RTKN2: variants seen among roughly 807,000 people sequenced by gnomAD.
RTKN2 encodes rhotekin 2.
A neutral mutation model predicts 71.5 loss-of-function variants in RTKN2; 69 were observed. The ratio of observed to expected loss-of-function variants is 0.96; its 90% CI spans 0.79 to 1.18. The LOEUF is 1.18. RTKN2 is among the 50% of genes most tolerant of loss of function. RTKN2 has a pLI of 0.00. For synonymous variants in RTKN2, 236 were observed against 236.5 expected, an observed-to-expected ratio of 1.00 and a Z score of 0.02; for missense variants, 724 against 719.7, an observed-to-expected ratio of 1.01 and a Z score of -0.07.
chr10:62,184,262 G>A, exon 9 of RTKN2: 1 of 1,111,452 alleles, frequency 9.0e-7, no homozygotes, highest in Non-Finnish European at 1.3e-6. Flanking sequence ...CATTCTACTA[G>A]AGAAATGTCA....
chr10:62,266,287 C>T (rs948048210), intron 1 of RTKN2, among the ~76,000 whole-genome samples: 29 of 152,142 alleles, frequency 1.9e-4, no homozygotes, highest in African/African-American at 6.3e-4. Flanking sequence ...AAGAAAATGG[C>T]TTTATTGTTG....
chr10:62,261,012 C>CA lies in RTKN2; in HGVS notation c.257+1612dup, dbSNP rs1327911751. On this transcript the variant is annotated intron_variant, in intron 2 of 11. Coordinates refer to ENST00000373789, the MANE Select transcript of RTKN2 (RefSeq NM_145307.4). ...AAATACTCCACTATTCTAAACTTCT[C>CA]ATGCTTAATCTTAAAAATTCATGCT... Among the ~76,000 whole-genome samples the CA allele has an allele frequency of 3.3e-5, 5 of 152,288 alleles. No individual in the cohort carries two copies. In the East Asian group the frequency reaches 9.6e-4, roughly 29 times the overall value.
At position 62,196,887 on chromosome 10, in the gene RTKN2, C is replaced by T. The variant is rs1841342637; in HGVS notation, c.*1021G>A. ...TGACTTTATAATCCTGTTTGGGTCA[C>T]TATGATTAGTTGCTATGGAAATTAC... On this transcript the variant is annotated 3_prime_UTR_variant, in exon 12 of 12. Transcript: ENST00000373789. The T allele has an allele frequency of 8.1e-6, 8 of 983,180 alleles. No homozygotes were observed. The highest frequency in any genetic ancestry group is 6.2e-5 in the Admixed American group (1 of 16,222). The allele number at this position is 983,180 out of a possible 1,614,324, so 60.9% of individuals were successfully genotyped here. A position where few individuals can be genotyped will look rare whatever the true frequency, so the allele number is the denominator to read the frequency against.
chr10:62,227,658 C>A (rs554241300), intron 6 of RTKN2, among the ~76,000 whole-genome samples: 2 of 152,190 alleles, frequency 1.3e-5, no homozygotes, highest in South Asian at 4.1e-4. Context: ...GAGTCATGTG[C>A]TATGATCTGA....
Position 62,196,479 on chromosome 10 carries a change from T to C in RTKN2, c.*1429A>G, listed in dbSNP as rs1841333832. ...AAGTGTCCTGGCAGTTACATCATTC[T>C]CTATAAATGGAAAAGACCCCGCTAT... is the stretch of plus-strand genomic sequence containing the variant. On this transcript the variant is annotated 3_prime_UTR_variant, in exon 12 of 12. Coordinates refer to ENST00000373789, the MANE Select transcript of RTKN2 (RefSeq NM_145307.4). The C allele has an allele frequency of 1.0e-6, 1 of 985,186 alleles. No homozygotes were observed. The highest frequency in any genetic ancestry group is 1.2e-6 in the Non-Finnish European group (1 of 829,818). 61.0% of individuals were successfully genotyped at this position (985,186 alleles called of 1,614,324 possible). A position where few individuals can be genotyped will look rare whatever the true frequency, so the allele number is the denominator to read the frequency against.
Position 62,259,066 on chromosome 10 carries a change from T to C in RTKN2, c.257+3559A>G, listed in dbSNP as rs112603619. 3.5e-3 allele frequency among the ~76,000 whole-genome samples: 540 copies of C among 152,298 alleles called. 2 individuals are homozygous for C. The highest frequency in any genetic ancestry group is 0.011 in the African/African-American group (458 of 41,554). On this transcript the variant is annotated intron_variant, in intron 2 of 11. Transcript: ENST00000373789. ...ATGGGAGGGACCATCAGGAGGTAAC[T>C]GAATCATAGGGGCAGGTTTTTCCTG... is the stretch of plus-strand genomic sequence containing the variant.
intron 7 of RTKN2, among the ~76,000 whole-genome samples, chr10:62,222,215 C>T (rs1841924148): frequency 6.6e-6 from 1 of 152,086 alleles, no homozygotes; most frequent in Admixed American, 6.6e-5. Context: ...GTCAGGCGAT[C>T]CTCCTACCTC....
intron 9 of RTKN2, among the ~76,000 whole-genome samples, chr10:62,206,731 C>A (rs997741134): frequency 1.3e-5 from 2 of 151,828 alleles, no homozygotes; most frequent in Admixed American, 1.3e-4. Context: ...TGACTATACG[C>A]CCAGTATCTT....
intron 5 of RTKN2, 114 bp downstream of exon 5, chr10:62,239,534 A>G (rs1842327314): frequency 3.9e-6 from 2 of 516,270 alleles, no homozygotes; most frequent in South Asian, 6.9e-5. Flanking sequence ...ACATTTAAAG[A>G]TCACTTAAAC....
At chr10:62,250,217 T>C (rs1434434961) in intron 2 of RTKN2, among the ~76,000 whole-genome samples, 2 of 152,212 alleles carry the variant, frequency 1.3e-5, no homozygotes, top group Non-Finnish European at 2.9e-5. Context: ...ACCTAGTGGA[T>C]ACCAGAGCAC....
chr10:62,187,452 C>A (rs1841155123), intron 8 of RTKN2, among the ~76,000 whole-genome samples: 2 of 152,230 alleles, frequency 1.3e-5, no homozygotes, highest in Middle Eastern at 3.4e-3. Flanking sequence ...CCCTTCAGAG[C>A]CCTCAGGCCT....
At chr10:62,252,136 A>T (rs1275524440) in intron 2 of RTKN2, among the ~76,000 whole-genome samples, 1 of 152,136 alleles carries the variant, frequency 6.6e-6, no homozygotes, top group Non-Finnish European at 1.5e-5. Context: ...AAAGAGCCCC[A>T]AAATGTGCCA....
intron 2 of RTKN2, among the ~76,000 whole-genome samples, chr10:62,257,460 AG>A (rs1487594149): frequency 6.6e-6 from 1 of 152,214 alleles, no homozygotes; most frequent in Non-Finnish European, 1.5e-5. Context: ...GGAAACTTTG[AG>A]GCAGGTGTGG....
Position 62,196,278 on chromosome 10 carries a change from T to G in RTKN2, c.*1630A>C. On this transcript the variant is annotated 3_prime_UTR_variant, in exon 12 of 12. Coordinates refer to ENST00000373789, the MANE Select transcript of RTKN2 (RefSeq NM_145307.4). ...GAGCCTTCTAGTTAGAAAAAATAAG[T>G]TTACTTTTTAAGGTTTCCATACATG... 2 of 980,692 alleles carry G rather than the reference T, an allele frequency of 2.0e-6. No individual in the cohort carries two copies. Among genetic ancestry groups the G allele is most frequent in the Non-Finnish European group, 2.4e-6 (2 of 825,684 alleles). The allele number at this position is 980,692 out of a possible 1,614,324, so 60.7% of individuals were successfully genotyped here.
intron 10 of RTKN2, among the ~76,000 whole-genome samples, chr10:62,201,436 A>T (rs1290436009): frequency 1.3e-5 from 2 of 152,156 alleles, no homozygotes; most frequent in African/African-American, 4.8e-5. Flanking sequence ...AAGGGAATAA[A>T]TTCTTGAGTA....
intron 5 of RTKN2, 163 bp downstream of exon 5, chr10:62,239,485 G>T: frequency 2.3e-6 from 1 of 431,526 alleles, no homozygotes; most frequent in Non-Finnish European, 4.1e-6. Flanking sequence ...TAGAGAAATG[G>T]ACTTCTTCTG....
intron 1 of RTKN2, among the ~76,000 whole-genome samples, chr10:62,266,735 G>A (rs1842875637): frequency 6.6e-6 from 1 of 152,230 alleles, no homozygotes; most frequent in Non-Finnish European, 1.5e-5. Context: ...CATCTCTGAA[G>A]CACATCCTGA....
chr10:62,207,687 C>G (rs112370303), intron 9 of RTKN2, among the ~76,000 whole-genome samples: 1 of 152,092 alleles, frequency 6.6e-6, no homozygotes. Flanking sequence ...GCCTCCCCCC[C>G]ATATTTCTGC....
chr10:62,198,370 C>G lies in RTKN2; in HGVS notation c.1368G>C (p.Gln456His), dbSNP rs73281918. The G allele has an allele frequency of 1.2e-6, 2 of 1,608,182 alleles. No homozygotes were observed. ...ATTCTTCATGCTGACCAATAAGGAA[C>G]TGCCCATTTGTCTCTTCAATTTTTT... ...IQKKIEETNGQFLIGQHEESL... is the reference protein window; with the variant it reads ...IQKKIEETNGHFLIGQHEESL... The change falls in exon 12 of 12, where the codon CAG (glutamine) becomes CAC (histidine). Residue 456 changes from glutamine (Q) to histidine (H), a missense_variant. Coordinates refer to ENST00000373789, the MANE Select transcript of RTKN2 (RefSeq NM_145307.4).
Sources: gnomAD v4.1 joint callset for allele counts (sites outside exome capture counted in the v4.1 genomes callset) on GRCh38, gnomAD v4.1.1 for gene constraint, MANE v1.5 for transcripts, NCBI Gene and HGNC (gene_info 2026-07-23, HGNC 2026-07-21) for gene names.